Variants in FHIT observed in about 807,000 individuals in gnomAD.
FHIT encodes the protein fragile histidine triad diadenosine triphosphatase.
In FHIT, 19 loss-of-function variants were observed where a neutral mutation model predicts 17.9. The ratio of observed to expected loss-of-function variants is 1.06; its 90% confidence interval spans 0.74 to 1.56. The LOEUF (loss-of-function observed/expected upper bound fraction) is 1.56. Ranked by LOEUF, FHIT falls within the 40% of genes most tolerant of loss-of-function variation. FHIT has a pLI of 0.00. For synonymous variants in FHIT, 81 were observed against 69.7 expected (o/e 1.16, Z -0.81); for missense variants, 248 against 189.2 (o/e 1.31, Z -1.82).
intron 7 of FHIT, among the ~76,000 whole-genome samples, chr3:59,978,854 A>C (rs1010069326): frequency 4.0e-5 from 6 of 151,760 alleles, no homozygotes; most frequent in Non-Finnish European, 5.9e-5. Context: ...TATTTGTGAG[A>C]CTATATTCCA....
At chr3:61,106,357 G>A (rs1056192266) in intron 2 of FHIT, among the ~76,000 whole-genome samples, 10 of 152,074 alleles carry the variant, frequency 6.6e-5, no homozygotes, top group African/African-American at 2.4e-4. Flanking sequence ...AGTGTACAAT[G>A]CATTATTATT....
chr3:61,036,270 G>T (rs1484011419), intron 3 of FHIT, among the ~76,000 whole-genome samples: 2 of 152,098 alleles, frequency 1.3e-5, no homozygotes, highest in African/African-American at 4.8e-5. Context: ...CACTATTGTG[G>T]GGATAGCACC....
intron 5 of FHIT, among the ~76,000 whole-genome samples, chr3:60,169,929 G>A (rs1014304461): frequency 6.6e-6 from 1 of 152,184 alleles, no homozygotes; most frequent in Non-Finnish European, 1.5e-5. Context: ...AAGAAAAAGA[G>A]GAAGTACTAC....
intron 4 of FHIT, among the ~76,000 whole-genome samples, chr3:60,729,760 T>A (rs201408972): frequency 4.5e-3 from 104 of 23,008 alleles, no homozygotes; most frequent in African/African-American, 0.016. Flanking sequence ...ATTTTAAAAA[T>A]ATATATATAT....
intron 1 of FHIT, among the ~76,000 whole-genome samples, chr3:61,203,642 T>C (rs4535219): frequency 0.58 from 88,127 of 152,070 alleles, 29,193 homozygotes; most frequent in African/African-American, 0.88. Context: ...ATTATTAAGC[T>C]CTACTTGTAA....
intron 5 of FHIT, among the ~76,000 whole-genome samples, chr3:60,474,083 C>A (rs964686494): frequency 6.6e-6 from 1 of 152,060 alleles, no homozygotes; most frequent in Non-Finnish European, 1.5e-5. Flanking sequence ...CATCCTAATA[C>A]CAGCAGTGAC....
intron 4 of FHIT, among the ~76,000 whole-genome samples, chr3:60,697,848 G>A (rs1359321322): frequency 1.3e-5 from 2 of 152,188 alleles, no homozygotes; most frequent in Non-Finnish European, 2.9e-5. Flanking sequence ...TTAGAAAGGA[G>A]AGTTTCAAGT....
intron 4 of FHIT, among the ~76,000 whole-genome samples, chr3:60,641,383 G>A (rs1222111862): frequency 6.6e-6 from 1 of 152,138 alleles, no homozygotes; most frequent in African/African-American, 2.4e-5. Flanking sequence ...GTGTGAAGAT[G>A]TCTATTGTGC....
At chr3:60,876,875 A>G (rs975291802) in intron 3 of FHIT, among the ~76,000 whole-genome samples, 3 of 152,200 alleles carry the variant, frequency 2.0e-5, no homozygotes, top group African/African-American at 4.8e-5. Context: ...GTGAGCACAG[A>G]AACTCAGGAC....
chr3:61,113,795 T>G (rs1471266959), intron 2 of FHIT, among the ~76,000 whole-genome samples: 2 of 152,088 alleles, frequency 1.3e-5, no homozygotes, highest in Non-Finnish European at 2.9e-5. Context: ...GAGGAATAAA[T>G]GAAGGAAGCA....
In FHIT at chr3:60,837,510, T is replaced by C. The variant is rs113716709; in HGVS notation, c.-110-15499A>G. On this transcript the variant is annotated intron_variant, in intron 3 of 9. Coordinates refer to ENST00000492590, the MANE Select transcript of FHIT (RefSeq NM_002012.4). ...TATTGTTATATTGAAAGTGAGCTTC[T>C]CATAGACAGAATATAGTTGGGTCAT... Among the ~76,000 whole-genome samples the C allele has an allele frequency of 4.6e-4, 70 of 152,328 alleles. 1 individual carries two copies. Among genetic ancestry groups the C allele is most frequent in the Middle Eastern group, 3.4e-3 (1 of 294 alleles).
chr3:59,851,531 C>G (rs1235862276), intron 8 of FHIT, among the ~76,000 whole-genome samples: 1 of 152,124 alleles, frequency 6.6e-6, no homozygotes, highest in African/African-American at 2.4e-5. Context: ...GCTTCAAACC[C>G]AGGTTTAGCC....
chr3:60,955,484 T>C (rs1709070673), intron 3 of FHIT, among the ~76,000 whole-genome samples: 1 of 151,778 alleles, frequency 6.6e-6, no homozygotes, highest in Non-Finnish European at 1.5e-5. Context: ...TATGCCATGA[T>C]GGAAGAAGTT....
At chr3:61,211,833 A>T (rs2039486942) in intron 1 of FHIT, among the ~76,000 whole-genome samples, 1 of 152,246 alleles carries the variant, frequency 6.6e-6, no homozygotes, top group Non-Finnish European at 1.5e-5. Flanking sequence ...ATCAGACAGC[A>T]GCATTCGCGG....
chr3:59,814,886 GA>G (rs575698572), intron 8 of FHIT, among the ~76,000 whole-genome samples: 2 of 151,784 alleles, frequency 1.3e-5, no homozygotes, highest in East Asian at 1.9e-4. Flanking sequence ...GAATAAATAT[GA>G]AAAAAAATAT....
At chr3:60,224,838 A>T (rs1459815030) in intron 5 of FHIT, among the ~76,000 whole-genome samples, 1 of 151,926 alleles carries the variant, frequency 6.6e-6, no homozygotes, top group East Asian at 1.9e-4. Context: ...CTCTTGCCTC[A>T]GCCTCTTGAA....
chr3:60,306,213 G>C (rs1273577188), intron 5 of FHIT, among the ~76,000 whole-genome samples: 3 of 152,062 alleles, frequency 2.0e-5, no homozygotes, highest in Non-Finnish European at 2.9e-5. Context: ...CTTTTGATTA[G>C]AACTAGAGTA....
intron 5 of FHIT, among the ~76,000 whole-genome samples, chr3:60,513,006 TATG>T (rs2035008133): frequency 6.6e-6 from 1 of 152,090 alleles, no homozygotes; most frequent in Non-Finnish European, 1.5e-5. Context: ...ATATGGAAAA[TATG>T]ATATTACTGA....
chr3:60,142,494 T>C (rs952487797), intron 5 of FHIT, among the ~76,000 whole-genome samples: 1 of 152,084 alleles, frequency 6.6e-6, no homozygotes, highest in African/African-American at 2.4e-5. Flanking sequence ...ATTTTTTAAT[T>C]TTTTGTTGTT....
Sources: gnomAD v4.1 joint callset for allele counts (sites outside exome capture counted in the v4.1 genomes callset) on GRCh38, gnomAD v4.1.1 for gene constraint, MANE v1.5 for transcripts, NCBI Gene and HGNC (gene_info 2026-07-23, HGNC 2026-07-21) for gene names.